The following LMCD1 variants were observed in gnomAD, a reference collection of about 807,000 sequenced individuals.
LMCD1 encodes the protein LIM and cysteine rich domains 1.
Under a neutral mutation model 42.7 loss-of-function variants are expected in LMCD1, and 32 were observed. The observed-to-expected ratio is 0.75, with a 90% confidence interval of 0.57 to 1.01. The LOEUF is 1.01. Among genes scored for constraint, LMCD1 ranks in the 50% least tolerant of loss-of-function variants. The probability of loss-of-function intolerance (pLI) is 0.00; values close to 1 mark genes in which losing one functional copy is unlikely to be tolerated. For synonymous variants in LMCD1, 178 were observed against 184.9 expected, an observed-to-expected ratio of 0.96 and a Z score of 0.30; for missense variants, 458 against 483.1, an observed-to-expected ratio of 0.95 and a Z score of 0.49.
chr3:8,553,605 C>A (rs949724648), intron 4 of LMCD1, among the ~76,000 whole-genome samples: 1 of 152,184 alleles, frequency 6.6e-6, no homozygotes, highest in East Asian at 1.9e-4. Flanking sequence ...AGCAGACGGG[C>A]CCTACTGACG....
intron 4 of LMCD1, among the ~76,000 whole-genome samples, chr3:8,555,712 C>T (rs78322998): frequency 1.5e-5 from 2 of 137,100 alleles, no homozygotes; most frequent in Non-Finnish European, 3.1e-5. Context: ...TGGCCTTCAA[C>T]GAGCTTTTTT....
At chr3:8,552,785 A>G (rs917538323) in intron 4 of LMCD1, among the ~76,000 whole-genome samples, 16 of 152,050 alleles carry the variant, frequency 1.1e-4, no homozygotes, top group African/African-American at 3.6e-4. Context: ...GTGCAGTGGC[A>G]CAGTCTCGGC....
chr3:8,510,100 C>T (rs1422678178), intron 1 of LMCD1, among the ~76,000 whole-genome samples: 1 of 152,190 alleles, frequency 6.6e-6, no homozygotes, highest in African/African-American at 2.4e-5. Context: ...TCATAAGAAA[C>T]CTGCCCTTAG....
intron 4 of LMCD1, among the ~76,000 whole-genome samples, chr3:8,563,225 G>C (rs1397205323): frequency 6.6e-6 from 1 of 152,232 alleles, no homozygotes; most frequent in African/African-American, 2.4e-5. Flanking sequence ...AGAAAGGTAA[G>C]CAGAGAAGCT....
intron 2 of LMCD1, among the ~76,000 whole-genome samples, chr3:8,534,464 T>G (rs1694475366): frequency 6.6e-6 from 1 of 152,196 alleles, no homozygotes; most frequent in Non-Finnish European, 1.5e-5. Flanking sequence ...AAATACAGAT[T>G]GAAGCTTGCA....
chr3:8,525,548 G>C (rs1409921195), intron 1 of LMCD1, among the ~76,000 whole-genome samples: 1 of 152,112 alleles, frequency 6.6e-6, no homozygotes, highest in Non-Finnish European at 1.5e-5. Flanking sequence ...TTATCTCTTT[G>C]AGATACTGAT....
intron 3 of LMCD1, among the ~76,000 whole-genome samples, chr3:8,547,484 G>A (rs550745224): frequency 6.6e-6 from 1 of 152,224 alleles, no homozygotes; most frequent in Non-Finnish European, 1.5e-5. Flanking sequence ...CCAATAAGGT[G>A]TAAGTTTTTA....
At chr3:8,544,907 G>A (rs538922765) in intron 3 of LMCD1, among the ~76,000 whole-genome samples, 151 of 152,226 alleles carry the variant, frequency 9.9e-4, no homozygotes, top group Non-Finnish European at 1.0e-3. Context: ...TGCCTCTCAC[G>A]GTTTCTCAGG....
At chr3:8,558,707 T>C (rs141291874) in intron 4 of LMCD1, among the ~76,000 whole-genome samples, 89 of 152,342 alleles carry the variant, frequency 5.8e-4, no homozygotes, top group African/African-American at 1.9e-3. Context: ...AATGGCCTCA[T>C]TGGTCTTTCT....
intron 3 of LMCD1, among the ~76,000 whole-genome samples, chr3:8,541,281 GGCT>G (rs1328829604): frequency 6.6e-6 from 1 of 152,182 alleles, no homozygotes; most frequent in Non-Finnish European, 1.5e-5. Flanking sequence ...CAGGTGCAGT[GGCT>G]CGCACCTGTA....
intron 1 of LMCD1, among the ~76,000 whole-genome samples, chr3:8,519,925 A>AGAGAGTGTGTGT (rs1553605823): frequency 1.0e-4 from 15 of 147,832 alleles, no homozygotes; most frequent in African/African-American, 3.8e-4. Flanking sequence ...TGTGAGAGAG[A>AGAGAGTGTGTGT]GTGTGTGTGT....
intron 5 of LMCD1, among the ~76,000 whole-genome samples, chr3:8,566,387 G>A (rs1695133743): frequency 6.6e-6 from 1 of 152,196 alleles, no homozygotes; most frequent in African/African-American, 2.4e-5. Context: ...GGTTAGAAAT[G>A]TCTTCTTTAT....
intron 1 of LMCD1, 61 bp from the exon 2 acceptor site, chr3:8,532,676 C>CAAGCA (rs1694434540): frequency 6.8e-7 from 1 of 1,463,744 alleles, no homozygotes; most frequent in Admixed American, 1.7e-5. Flanking sequence ...TTTTAGAGGT[C>CAAGCA]AAGCATCTCC....
chr3:8,501,858 A>C lies in LMCD1; in HGVS notation c.-81A>C. ...CCCTCCCAGGCCCGCGAACTTGGCCATTCAGCCGCCGCTGTCCCCGCTGCG... is the reference window on the plus strand; with the variant it reads ...CCCTCCCAGGCCCGCGAACTTGGCCCTTCAGCCGCCGCTGTCCCCGCTGCG... On this transcript the variant is annotated 5_prime_UTR_variant, in exon 1 of 6. Transcript: ENST00000157600. The C allele has an allele frequency of 3.6e-6, 5 of 1,370,960 alleles. No homozygotes were observed. The highest frequency in any genetic ancestry group is 1.5e-5 in the African/African-American group (1 of 66,852). 84.9% of individuals were successfully genotyped at this position (1,370,960 alleles called of 1,614,324 possible).
chr3:8,529,653 T>G (rs1574956819), intron 1 of LMCD1, among the ~76,000 whole-genome samples: 2 of 152,178 alleles, frequency 1.3e-5, no homozygotes, highest in Admixed American at 1.3e-4. Flanking sequence ...GTTTTTACAT[T>G]TTGTAGGAAA....
At chr3:8,559,623 GT>G (rs1460377021) in intron 4 of LMCD1, among the ~76,000 whole-genome samples, 2 of 152,202 alleles carry the variant, frequency 1.3e-5, no homozygotes, top group Admixed American at 6.5e-5. Flanking sequence ...GACTAAGTTT[GT>G]GCTGAGAAAG....
chr3:8,549,219 C>T (rs1400883695), intron 4 of LMCD1, among the ~76,000 whole-genome samples: 2 of 152,058 alleles, frequency 1.3e-5, no homozygotes, highest in Non-Finnish European at 2.9e-5. Context: ...AGCTGGTCTA[C>T]GAAGAATGTC....
chr3:8,548,698 G>T lies in LMCD1; in HGVS notation c.518G>T (p.Gly173Val). 1 of 1,614,198 alleles carries T rather than the reference G, an allele frequency of 6.2e-7. No individual in the cohort carries two copies. The highest frequency in any genetic ancestry group is 8.5e-7 in the Non-Finnish European group (1 of 1,180,052). The change falls in exon 4 of 6, where the codon GGA (glycine) becomes GTA (valine). Residue 173 changes from glycine to valine, a missense_variant. By Grantham distance (109) the Gly-to-Val change is moderately radical. Transcript: ENST00000157600. Reference sequence around the variant, plus strand: ...GACCAGGATCCCTCGCGCTGCCGTGGACTTTTGGAGAATGAGTTGAAACTG... The same window carrying T: ...GACCAGGATCCCTCGCGCTGCCGTGTACTTTTGGAGAATGAGTTGAAACTG... Reference protein sequence around the residue: ...IYDQDPSRCRGLLENELKLME... With the variant: ...IYDQDPSRCRVLLENELKLME...
intron 1 of LMCD1, among the ~76,000 whole-genome samples, chr3:8,503,550 A>G (rs1206163617): frequency 6.6e-6 from 1 of 152,006 alleles, no homozygotes. Flanking sequence ...TTCTCTATAC[A>G]TTTTTCTGGA....
Sources: allele counts gnomAD v4.1 joint callset (sites outside exome capture counted in the v4.1 genomes callset), GRCh38; gene constraint gnomAD v4.1.1; transcripts MANE v1.5; gene names NCBI Gene and HGNC (gene_info 2026-07-23, HGNC 2026-07-21).